Variants in THRAP3 observed in about 807,000 individuals in gnomAD.
THRAP3 encodes thyroid hormone receptor-associated protein 3.
In THRAP3, 16 loss-of-function variants were observed where a neutral mutation model predicts 101.0. The ratio of observed to expected loss-of-function variants is 0.16; its 90% CI spans 0.11 to 0.24. THRAP3 has a LOEUF of 0.24. Ranked by LOEUF, THRAP3 falls within the 10% of genes least tolerant of loss-of-function variation. THRAP3 has a pLI of 1.00. For missense variants in THRAP3, 989 were observed against 1,202.7 expected, an observed-to-expected ratio of 0.82 and a Z score of 2.63; for synonymous variants, 407 against 422.6, an observed-to-expected ratio of 0.96 and a Z score of 0.45.
chr1:36,217,177 A>T, the THRAP3 span, among the ~76,000 whole-genome samples: 2 of 152,148 alleles, frequency 1.3e-5, no homozygotes, highest in African/African-American at 4.8e-5. Flanking sequence ...TTAACTACAC[A>T]CTTAACTAGG....
intron 1 of THRAP3, among the ~76,000 whole-genome samples, chr1:36,250,324 C>A (rs1033761981): frequency 3.3e-5 from 5 of 151,270 alleles, no homozygotes; most frequent in Non-Finnish European, 7.4e-5. Context: ...AGCAATTCTT[C>A]TGCCTCAGCC....
chr1:36,252,111 G>C (rs547613783), intron 1 of THRAP3, among the ~76,000 whole-genome samples: 12 of 152,222 alleles, frequency 7.9e-5, no homozygotes, highest in African/African-American at 2.9e-4. Flanking sequence ...CTATTCATGA[G>C]GGTTTATTTT....
intron 1 of THRAP3, among the ~76,000 whole-genome samples, chr1:36,229,633 TTTTG>T (rs957411517): frequency 1.0e-4 from 15 of 150,652 alleles, no homozygotes; most frequent in Non-Finnish European, 1.6e-4. Flanking sequence ...AAATGGAGCT[TTTTG>T]TTTGTTTGTT....
chr1:36,293,963 C>G lies in THRAP3; in HGVS notation c.2115+28C>G, dbSNP rs774500126. ...GAACTGTTGATTTGATCAGTAATTCCAACAAAATGAGTGCGTTGGGCATGA... is the reference window on the plus strand; with the variant it reads ...GAACTGTTGATTTGATCAGTAATTCGAACAAAATGAGTGCGTTGGGCATGA... On this transcript the variant is annotated intron_variant, in intron 8 of 11. Coordinates refer to ENST00000354618, the MANE Select transcript of THRAP3 (RefSeq NM_005119.4). 2.1e-5 allele frequency: 34 copies of G among 1,603,220 alleles called. No homozygotes were observed. The South Asian group carries it at 3.4e-4, about 16-fold the overall frequency.
At chr1:36,251,431 G>T (rs1034808836) in intron 1 of THRAP3, among the ~76,000 whole-genome samples, 3 of 152,114 alleles carry the variant, frequency 2.0e-5, no homozygotes, top group Admixed American at 1.3e-4. Context: ...AGGTGCATCA[G>T]TTGGCATGTT....
intron 2 of THRAP3, among the ~76,000 whole-genome samples, chr1:36,264,062 G>T (rs1164029732): frequency 6.6e-6 from 1 of 152,150 alleles, no homozygotes; most frequent in Non-Finnish European, 1.5e-5. Flanking sequence ...TTTGGTTTTT[G>T]TTTGTTTGTT....
At chr1:36,282,436 T>G in intron 2 of THRAP3, 97 bp from the exon 3 acceptor site, 1 of 914,338 alleles carries the variant, frequency 1.1e-6, no homozygotes, top group Non-Finnish European at 1.6e-6. Flanking sequence ...CTTCTCAAGT[T>G]GCCCAGATTA....
At chr1:36,278,834 A>C (rs1645695738) in intron 2 of THRAP3, among the ~76,000 whole-genome samples, 1 of 152,062 alleles carries the variant, frequency 6.6e-6, no homozygotes, top group African/African-American at 2.4e-5. Context: ...GAGGCAGGAG[A>C]ATCACTTGAA....
At chr1:36,291,639 ATC>A in intron 6 of THRAP3, 93 bp downstream of exon 6, 1 of 1,421,068 alleles carries the variant, frequency 7.0e-7, no homozygotes, top group Non-Finnish European at 9.7e-7. Context: ...GGGACCTTGT[ATC>A]TCATCTAAAG....
chr1:36,300,751 T>G (rs1263479728), intron 9 of THRAP3, 135 bp from the exon 10 acceptor site: 2 of 823,704 alleles, frequency 2.4e-6, no homozygotes, highest in Non-Finnish European at 3.8e-6. Flanking sequence ...GTGAGCTGGC[T>G]TTATAAGGTT....
chr1:36,239,203 C>T (rs988189122), intron 1 of THRAP3, among the ~76,000 whole-genome samples: 2 of 149,486 alleles, frequency 1.3e-5, no homozygotes, highest in African/African-American at 4.9e-5. Context: ...CATGCCCGGC[C>T]GTGTTTTTTT....
Position 36,282,215 on chromosome 1 carries a change from C to T in THRAP3, c.-31-318C>T, listed in dbSNP as rs1454964169. Among the ~76,000 whole-genome samples, 5 of 150,780 alleles carry T rather than the reference C, an allele frequency of 3.3e-5. No individual in the cohort carries two copies. The East Asian group carries it at 5.9e-4, about 18-fold the overall frequency. The stretch of plus-strand genomic sequence containing the variant: ...CACTGGGATTACAGGCGTGAGCCAC[C>T]GTGCTCAGCCACTTTCTCTCTTTTT... On this transcript the variant is annotated intron_variant, in intron 2 of 11. Transcript: ENST00000354618.
chr1:36,283,450 A>T lies in THRAP3; in HGVS notation c.137+750A>T, dbSNP rs1645757948. Reference sequence around the variant, plus strand: ...AAAGTGTTTAAACTTTCTTTTGTGGATAGATAAGAAGCTTTCAGTAAATAA... The same window carrying T: ...AAAGTGTTTAAACTTTCTTTTGTGGTTAGATAAGAAGCTTTCAGTAAATAA... On this transcript the variant is annotated intron_variant, in intron 3 of 11. Coordinates refer to ENST00000354618, the MANE Select transcript of THRAP3 (RefSeq NM_005119.4). Among the ~76,000 whole-genome samples, 3 of 152,160 alleles carry T rather than the reference A, an allele frequency of 2.0e-5. No homozygotes were observed. The South Asian group carries it at 6.2e-4, about 32-fold the overall frequency.
At chr1:36,276,539 AAAG>A (rs1645663218) in intron 2 of THRAP3, among the ~76,000 whole-genome samples, 1 of 149,912 alleles carries the variant, frequency 6.7e-6, no homozygotes, top group Non-Finnish European at 1.5e-5. Flanking sequence ...AAAAAAAAAA[AAAG>A]GTGCTTCAAA....
At chr1:36,224,809 C>T (rs1022425427) in intron 1 of THRAP3, among the ~76,000 whole-genome samples, 1 of 152,194 alleles carries the variant, frequency 6.6e-6, no homozygotes, top group African/African-American at 2.4e-5. Context: ...ACTCCCTACT[C>T]CTCCCGTTTT....
intron 9 of THRAP3, 53 bp downstream of exon 9, chr1:36,296,823 C>T: frequency 2.1e-6 from 3 of 1,453,246 alleles, no homozygotes; most frequent in Non-Finnish European, 1.8e-6. Context: ...TGTCTGTCCC[C>T]TTTGGGCTAT....
At chr1:36,237,550 C>T (rs933885218) in intron 1 of THRAP3, among the ~76,000 whole-genome samples, 6 of 150,794 alleles carry the variant, frequency 4.0e-5, no homozygotes, top group African/African-American at 1.5e-4. Flanking sequence ...GCAGGCAGAT[C>T]ACTTGAGGTC....
At chr1:36,240,255 T>C (rs7517652) in intron 1 of THRAP3, among the ~76,000 whole-genome samples, 143,929 of 152,196 alleles carry the variant, frequency 0.95, 68,595 homozygotes, top group Middle Eastern at 1. Flanking sequence ...AGTCCAAGTC[T>C]AAAAGCCTCA....
intron 1 of THRAP3, among the ~76,000 whole-genome samples, chr1:36,244,884 A>T (rs1645212361): frequency 1.3e-5 from 2 of 151,580 alleles, no homozygotes; most frequent in South Asian, 4.2e-4. Context: ...CGCCCAGCTA[A>T]TTTTGTTTTG....
Sources: allele counts gnomAD v4.1 joint callset (sites outside exome capture counted in the v4.1 genomes callset), GRCh38; gene constraint gnomAD v4.1.1; transcripts MANE v1.5; gene names NCBI Gene and HGNC (gene_info 2026-07-23, HGNC 2026-07-21).